The following SOS1 variants were observed in gnomAD, a reference collection of about 807,000 sequenced individuals.
SOS1 encodes the protein son of sevenless homolog 1.
Under a neutral mutation model 157.6 loss-of-function variants are expected in SOS1, and 25 were observed. That is an observed-to-expected ratio of 0.16 (90% CI 0.12 to 0.22). The LOEUF (loss-of-function observed/expected upper bound fraction) is 0.22, where lower values mean the gene tolerates loss of function less well. Among genes scored for constraint, SOS1 ranks in the 10% least tolerant of loss-of-function variants. The pLI is 1.00. For missense variants in SOS1, 1,237 were observed against 1,599.1 expected (o/e 0.77, Z 3.86); for synonymous variants, 528 against 534.0 (o/e 0.99, Z 0.16).
At chr2:39,105,527 G>C (rs297161) in intron 1 of SOS1, among the ~76,000 whole-genome samples, 121,524 of 152,136 alleles carry the variant, frequency 0.8, 50,741 homozygotes, top group Non-Finnish European at 0.92. Context: ...TTTCATAAAA[G>C]CAACAATTAT....
At chr2:39,056,309 C>G (rs1671208487) in intron 4 of SOS1, among the ~76,000 whole-genome samples, 1 of 152,016 alleles carries the variant, frequency 6.6e-6, no homozygotes, top group Non-Finnish European at 1.5e-5. Flanking sequence ...CCCAGCTACT[C>G]AGGAGGCTGA....
chr2:39,124,175 A>C (rs1673994831), upstream of SOS1: 1 of 152,338 alleles, frequency 6.6e-6, no homozygotes, highest in Non-Finnish European at 1.5e-5. Flanking sequence ...CTCTTGGGAC[A>C]AAACAAAACA....
At chr2:39,034,433 A>T (rs772906633) in intron 8 of SOS1, among the ~76,000 whole-genome samples, 2 of 152,222 alleles carry the variant, frequency 1.3e-5, no homozygotes, top group Non-Finnish European at 2.9e-5. Flanking sequence ...GTTTTCTTTG[A>T]TGAAACAAAT....
At chr2:39,095,675 T>G (rs1672744862) in intron 1 of SOS1, among the ~76,000 whole-genome samples, 1 of 152,240 alleles carries the variant, frequency 6.6e-6, no homozygotes. Flanking sequence ...ATAGGAGTAC[T>G]TGCTTCTGAG....
At chr2:39,100,140 T>C (rs1211101503) in intron 1 of SOS1, among the ~76,000 whole-genome samples, 1 of 152,180 alleles carries the variant, frequency 6.6e-6, no homozygotes, top group Non-Finnish European at 1.5e-5. Flanking sequence ...TCACACCTGT[T>C]AGAATGACTC....
chr2:39,059,152 T>C (rs1671315984), intron 2 of SOS1, among the ~76,000 whole-genome samples: 1 of 152,130 alleles, frequency 6.6e-6, no homozygotes. Flanking sequence ...AGTAAATATC[T>C]AAATCCAGTT....
rs576551448 is a variant in SOS1 at position 39,051,579 on chromosome 2, G to GTA, written c.721-294_721-293dup. Among the ~76,000 whole-genome samples the GTA allele has an allele frequency of 1.6e-3, 250 of 152,096 alleles. 2 individuals are homozygous for GTA. Among genetic ancestry groups the GTA allele is most frequent in the African/African-American group, 5.5e-3 (228 of 41,504 alleles). On this transcript the variant is annotated intron_variant, in intron 5 of 22. Transcript: ENST00000402219. ...CTAAAAACCTTTTGTTTATAACTAT[G>GTA]TATTTCAATGTTTACCATATTAGAA...
chr2:39,094,818 T>C (rs1672714559), intron 1 of SOS1, among the ~76,000 whole-genome samples: 1 of 152,164 alleles, frequency 6.6e-6, no homozygotes, highest in South Asian at 2.1e-4. Flanking sequence ...GAAAAATCTA[T>C]TTACAAATAA....
chr2:39,007,229 AGTTTTTCC>A, intron 15 of SOS1, 36 bp from the exon 16 acceptor site: 1 of 1,310,422 alleles, frequency 7.6e-7, no homozygotes, highest in Non-Finnish European at 1.1e-6. Context: ...AAGGTTTTAG[AGTTTTTCC>A]AATAAAGTTA....
intron 1 of SOS1, among the ~76,000 whole-genome samples, chr2:39,083,152 C>A (rs968397038): frequency 5.9e-5 from 9 of 152,082 alleles, no homozygotes; most frequent in African/African-American, 2.2e-4. Context: ...TCCCCTTGGC[C>A]CCTCTACTGA....
intron 6 of SOS1, 22 bp downstream of exon 6, chr2:39,051,122 G>A (rs750799489): frequency 1.2e-6 from 2 of 1,610,934 alleles, no homozygotes; most frequent in South Asian, 2.2e-5. Flanking sequence ...AGACTTTTCG[G>A]GTATATAATT....
chr2:39,039,734 G>A (rs1003785231), intron 6 of SOS1, among the ~76,000 whole-genome samples: 1 of 152,104 alleles, frequency 6.6e-6, no homozygotes, highest in Non-Finnish European at 1.5e-5. Flanking sequence ...TAGTTTAACA[G>A]AATTGTGCAA....
intron 2 of SOS1, among the ~76,000 whole-genome samples, chr2:39,060,188 T>C (rs777336408): frequency 2.6e-5 from 4 of 152,200 alleles, no homozygotes; most frequent in Non-Finnish European, 5.9e-5. Flanking sequence ...AAAATGTTTA[T>C]AGTGATGGGT....
intron 8 of SOS1, among the ~76,000 whole-genome samples, chr2:39,025,134 A>G (rs1490679674): frequency 1.3e-5 from 2 of 152,240 alleles, no homozygotes; most frequent in African/African-American, 4.8e-5. Flanking sequence ...GCTGGCTGCA[A>G]TGGCCTATGC....
intron 8 of SOS1, among the ~76,000 whole-genome samples, chr2:39,024,920 T>C (rs899690501): frequency 8.1e-6 from 1 of 122,766 alleles, no homozygotes; most frequent in Admixed American, 9.3e-5. Context: ...AACTCAAGCA[T>C]ATTTTCTATT....
At chr2:39,100,713 C>A (rs529064809) in intron 1 of SOS1, among the ~76,000 whole-genome samples, 2 of 152,232 alleles carry the variant, frequency 1.3e-5, no homozygotes, top group African/African-American at 4.8e-5. Context: ...ACTAAGAGTT[C>A]AAGACCAGCC....
At chr2:39,049,032 C>T (rs942443564) in intron 6 of SOS1, among the ~76,000 whole-genome samples, 3 of 152,118 alleles carry the variant, frequency 2.0e-5, no homozygotes, top group African/African-American at 7.2e-5. Flanking sequence ...ATTCTCCTGC[C>T]TCAGCGTCCC....
intron 8 of SOS1, among the ~76,000 whole-genome samples, chr2:39,033,925 A>G (rs1002436135): frequency 6.6e-6 from 1 of 152,002 alleles, no homozygotes; most frequent in African/African-American, 2.4e-5. Context: ...CTCAGGTTAA[A>G]AAAAAAAAAA....
intron 2 of SOS1, among the ~76,000 whole-genome samples, chr2:39,065,422 C>T (rs1204376199): frequency 6.6e-6 from 1 of 152,124 alleles, no homozygotes; most frequent in Admixed American, 6.5e-5. Flanking sequence ...CACAAAATAC[C>T]CCAGCCTCTT....
Sources: gnomAD v4.1 joint callset for allele counts (sites outside exome capture counted in the v4.1 genomes callset) on GRCh38, gnomAD v4.1.1 for gene constraint, MANE v1.5 for transcripts, NCBI Gene and HGNC (gene_info 2026-07-23, HGNC 2026-07-21) for gene names.